Variants in SPEF2 observed in about 807,000 individuals in gnomAD.
The protein encoded by SPEF2 is sperm flagellar and cilia associated 2.
Under a neutral mutation model 224.6 loss-of-function variants are expected in SPEF2, and 187 were observed. The observed-to-expected ratio is 0.83, with a 90% CI of 0.74 to 0.94. SPEF2 has a LOEUF of 0.94. SPEF2 is among the 40% of genes least tolerant of loss of function. The probability of loss-of-function intolerance (pLI) is 0.00; values close to 1 mark genes in which losing one functional copy is unlikely to be tolerated. For missense variants in SPEF2, 2,170 were observed against 2,135.6 expected (o/e 1.02, Z -0.32); for synonymous variants, 715 against 707.3 (o/e 1.01, Z -0.17).
Position 35,687,425 on chromosome 5 carries a change from AT to A in SPEF2, c.1525-3600del, listed in dbSNP as rs113342161. Among the ~76,000 whole-genome samples the A allele has an allele frequency of 5.2e-3, 754 of 145,518 alleles. 5 individuals carry two copies. The highest frequency in any genetic ancestry group is 0.016 in the African/African-American group (627 of 40,068). On this transcript the variant is annotated intron_variant, in intron 10 of 36. Coordinates refer to ENST00000356031, the MANE Select transcript of SPEF2 (RefSeq NM_024867.4). ...TTTCCTTTTAAAGTATTTTTAATGG[AT>A]TTTTTTTTTTTGCCCATTATATTTC...
chr5:35,774,112 C>A, intron 28 of SPEF2, 91 bp downstream of exon 28: 2 of 1,489,394 alleles, frequency 1.3e-6, no homozygotes, highest in Non-Finnish European at 9.0e-7. Flanking sequence ...TTGCCTCAGA[C>A]CATGTCTATG....
At chr5:35,690,367 C>T (rs1231012259) in intron 10 of SPEF2, among the ~76,000 whole-genome samples, 3 of 152,112 alleles carry the variant, frequency 2.0e-5, no homozygotes, top group Non-Finnish European at 4.4e-5. Flanking sequence ...GATCTGACCC[C>T]ATATTTTTAA....
chr5:35,805,005 G>C (rs1025359486), intron 34 of SPEF2, among the ~76,000 whole-genome samples: 25 of 152,130 alleles, frequency 1.6e-4, no homozygotes, highest in African/African-American at 6.0e-4. Context: ...CTGTTTCATT[G>C]CCCTGGAAGA....
intron 23 of SPEF2, among the ~76,000 whole-genome samples, chr5:35,752,051 A>T (rs1190273351): frequency 6.6e-6 from 1 of 152,180 alleles, no homozygotes. Context: ...CGCAGCCTAC[A>T]TCTCTCACAT....
chr5:35,693,428 C>T (rs1754818842), intron 12 of SPEF2, among the ~76,000 whole-genome samples: 1 of 152,110 alleles, frequency 6.6e-6, no homozygotes, highest in African/African-American at 2.4e-5. Flanking sequence ...ATTAGTAGAT[C>T]TCAATTGGGG....
intron 8 of SPEF2, among the ~76,000 whole-genome samples, chr5:35,664,698 AAG>A (rs3069747): frequency 0.015 from 2,104 of 138,206 alleles, 26 homozygotes; most frequent in South Asian, 0.051. Context: ...GAAGGGAAAG[AAG>A]AGAGAGAGAG....
At chr5:35,812,667 A>C (rs1444799432) in intron 36 of SPEF2, among the ~76,000 whole-genome samples, 1 of 152,222 alleles carries the variant, frequency 6.6e-6, no homozygotes, top group Admixed American at 6.5e-5. Context: ...AAATATGTAA[A>C]TCAAGCATAT....
chr5:35,778,310 C>T (rs1753878951), intron 29 of SPEF2, among the ~76,000 whole-genome samples: 1 of 152,132 alleles, frequency 6.6e-6, no homozygotes, highest in South Asian at 2.1e-4. Flanking sequence ...ACTATACCCC[C>T]AGTACAGTTT....
At chr5:35,671,066 A>G (rs1751164385) in intron 10 of SPEF2, 2 of 985,306 alleles carry the variant, frequency 2.0e-6, no homozygotes, top group Non-Finnish European at 2.4e-6. Flanking sequence ...CAGCAATGGA[A>G]TGAGGAGTGA....
At chr5:35,686,342 ATTCTT>A in intron 10 of SPEF2, among the ~76,000 whole-genome samples, 1 of 152,050 alleles carries the variant, frequency 6.6e-6, no homozygotes, top group East Asian at 1.9e-4. Flanking sequence ...ATGTATTTCT[ATTCTT>A]TGTCTTTGAT....
chr5:35,710,032 T>C (rs968342369), intron 19 of SPEF2: 1 of 979,648 alleles, frequency 1.0e-6, no homozygotes, highest in Non-Finnish European at 1.2e-6. Context: ...CAAAGACATA[T>C]GAAGACTTTA....
chr5:35,691,285 C>A, intron 11 of SPEF2, 29 bp downstream of exon 11: 1 of 1,566,976 alleles, frequency 6.4e-7, no homozygotes, highest in South Asian at 1.1e-5. Context: ...CTCTCCCTGC[C>A]ATTAGGTCCT....
In SPEF2 at chr5:35,800,058, A is replaced by G. The variant is rs758906490; in HGVS notation, c.4921A>G (p.Thr1641Ala). The G allele has an allele frequency of 6.2e-7, 1 of 1,613,968 alleles. No homozygotes were observed. Among genetic ancestry groups the G allele is most frequent in the South Asian group, 1.1e-5 (1 of 91,070 alleles). Residue 1641 changes from threonine (T) to alanine (A), a missense_variant, in exon 34 of 37, where the codon ACC becomes GCC. Physicochemically the swap from Thr to Ala is moderately conservative, Grantham distance 58 (BLOSUM62 0). Coordinates refer to ENST00000356031, the MANE Select transcript of SPEF2 (RefSeq NM_024867.4). ...MLLYFACHPD[T>A]VEGVYRALSV... The stretch of plus-strand genomic sequence containing the variant: ...GCTTTACTTTGCTTGCCACCCAGAC[A>G]CCGTGGAAGGAGTCTACAGGGCCCT...
In SPEF2 at chr5:35,667,231, G is replaced by A; in HGVS notation, c.1327G>A (p.Val443Met). The A allele has an allele frequency of 6.2e-7, 1 of 1,603,022 alleles. No homozygotes were observed. The highest frequency in any genetic ancestry group is 8.5e-7 in the Non-Finnish European group (1 of 1,173,886). The change falls in exon 9 of 37, where the codon GTG (valine) becomes ATG (methionine). Residue 443 changes from valine (V) to methionine (M), a missense_variant. Val to Met is a conservative substitution (Grantham distance 21). Coordinates refer to ENST00000356031, the MANE Select transcript of SPEF2 (RefSeq NM_024867.4). ...LDQIVDLSTK[V>M]ADYRMLTNNL... is the part of the protein sequence containing the mutation. ...TCAAATAGTTGATTTGTCCACTAAA[G>A]TGGCAGACTATCGAATGTTGACAAA...
chr5:35,632,647 T>G (rs1287233160), intron 2 of SPEF2, among the ~76,000 whole-genome samples: 5 of 152,200 alleles, frequency 3.3e-5, no homozygotes, highest in Non-Finnish European at 7.3e-5. Context: ...TTGTTATGGA[T>G]AGTTAACTTT....
rs10044455 is a variant in SPEF2, at chr5:35,692,915, G to A, written c.1899+191G>A. Among the ~76,000 whole-genome samples, 2,987 of 152,210 alleles carry A rather than the reference G, an allele frequency of 0.02. 109 individuals carry two copies. Among genetic ancestry groups the A allele is most frequent in the African/African-American group, 0.069 (2,869 of 41,512 alleles). ...TTTAGGACAAATTTTAGGCCAAGAGGTAAAATCGAGGATATTATGTGGGTA... is the reference window on the plus strand; with the variant it reads ...TTTAGGACAAATTTTAGGCCAAGAGATAAAATCGAGGATATTATGTGGGTA... On this transcript the variant is annotated intron_variant, in intron 12 of 36. Coordinates refer to ENST00000356031, the MANE Select transcript of SPEF2 (RefSeq NM_024867.4).
intron 10 of SPEF2, chr5:35,671,154 T>C: frequency 3.0e-6 from 3 of 985,358 alleles, no homozygotes; most frequent in Non-Finnish European, 3.6e-6. Flanking sequence ...ATGAAAAGAT[T>C]ATTTGACCTA....
chr5:35,814,584 C>A lies in SPEF2; in HGVS notation c.*31C>A. On this transcript the variant is annotated 3_prime_UTR_variant, in exon 37 of 37. Coordinates refer to ENST00000356031, the MANE Select transcript of SPEF2 (RefSeq NM_024867.4). ...AAAGAGTGTGATTTTTTTAATTCTG[C>A]AATAAATCTTCCAAAAATTAAATGT... 1 of 1,423,880 alleles carries A rather than the reference C, an allele frequency of 7.0e-7. No individual in the cohort carries two copies. The highest frequency in any genetic ancestry group is 9.7e-7 in the Non-Finnish European group (1 of 1,028,246). 88.2% of individuals were successfully genotyped at this position (1,423,880 alleles called of 1,614,324 possible).
At chr5:35,788,563 A>G (rs1450149909) in intron 30 of SPEF2, 1 of 702,830 alleles carries the variant, frequency 1.4e-6, no homozygotes, top group Non-Finnish European at 2.6e-6. Context: ...TACAGATAGT[A>G]GAAAGAAATG....
Sources: gnomAD v4.1 joint callset for allele counts (sites outside exome capture counted in the v4.1 genomes callset) on GRCh38, gnomAD v4.1.1 for gene constraint, MANE v1.5 for transcripts, NCBI Gene and HGNC (gene_info 2026-07-23, HGNC 2026-07-21) for gene names.